UBL3: variants seen among roughly 807,000 people sequenced by gnomAD.
The protein encoded by UBL3 is ubiquitin like 3.
In UBL3, 6 loss-of-function variants were observed where a neutral mutation model predicts 18.4. That is an observed-to-expected ratio of 0.33 (90% CI 0.18 to 0.64). The LOEUF (loss-of-function observed/expected upper bound fraction) is 0.64, where lower values mean the gene tolerates loss of function less well. UBL3 is among the 30% of genes least tolerant of loss of function. The pLI is 0.76. For synonymous variants in UBL3, 49 were observed against 46.6 expected (o/e 1.05, Z -0.21); for missense variants, 109 against 142.9 (o/e 0.76, Z 1.21).
At chr13:29,823,782 T>C (rs1186967603) in intron 1 of UBL3, among the ~76,000 whole-genome samples, 1 of 152,168 alleles carries the variant, frequency 6.6e-6, no homozygotes, top group Non-Finnish European at 1.5e-5. Context: ...CATGTATACA[T>C]GTGCCATGTT....
intron 1 of UBL3, among the ~76,000 whole-genome samples, chr13:29,794,372 G>C (rs796284044): frequency 7.1e-6 from 1 of 141,514 alleles, no homozygotes; most frequent in Non-Finnish European, 1.6e-5. Context: ...ACACACACAC[G>C]CACCCCTACC....
chr13:29,784,579 AC>A (rs1467511254), intron 1 of UBL3, among the ~76,000 whole-genome samples: 30 of 151,864 alleles, frequency 2.0e-4, no homozygotes, highest in Non-Finnish European at 3.8e-4. Flanking sequence ...AAAAAAAAAA[AC>A]AACTCCCGAC....
chr13:29,833,747 A>G (rs1252544803), intron 1 of UBL3, among the ~76,000 whole-genome samples: 1 of 152,210 alleles, frequency 6.6e-6, no homozygotes, highest in Non-Finnish European at 1.5e-5. Flanking sequence ...AATATACAAT[A>G]TATTTCACTT....
At chr13:29,839,124 C>G (rs1879030004) in intron 1 of UBL3, among the ~76,000 whole-genome samples, 1 of 152,020 alleles carries the variant, frequency 6.6e-6, no homozygotes, top group Non-Finnish European at 1.5e-5. Flanking sequence ...ACAAGTTTCT[C>G]AATTGAGTGA....
At position 29,798,782 on chromosome 13, in the gene UBL3, T is replaced by C. The variant is rs189784030; in HGVS notation, c.28-21519A>G. On this transcript the variant is annotated intron_variant, in intron 1 of 4. Transcript: ENST00000380680. ...AATTAAGAGAAACCCCAAAAAACTATAGATGCGTTTAAGTACTCATCAAAC... is the reference window on the plus strand; with the variant it reads ...AATTAAGAGAAACCCCAAAAAACTACAGATGCGTTTAAGTACTCATCAAAC... Among the ~76,000 whole-genome samples the C allele has an allele frequency of 5.3e-5, 8 of 152,344 alleles. No homozygotes were observed. The East Asian group carries it at 7.7e-4, about 15-fold the overall frequency.
chr13:29,815,236 G>A lies in UBL3; in HGVS notation c.27+34276C>T, dbSNP rs368554391. ...TACAAGGGTCTGAAACAGCATCCCA[G>A]AGAATTCTAAAGACTCAGCTGAGAT... is the stretch of plus-strand genomic sequence containing the variant. On this transcript the variant is annotated intron_variant, in intron 1 of 4. Transcript: ENST00000380680. Among the ~76,000 whole-genome samples, 18 of 152,072 alleles carry A rather than the reference G, an allele frequency of 1.2e-4. No individual in the cohort carries two copies. The East Asian group carries it at 2.1e-3, about 18-fold the overall frequency.
chr13:29,770,884 T>C (rs988789875), intron 3 of UBL3, among the ~76,000 whole-genome samples: 2 of 152,016 alleles, frequency 1.3e-5, no homozygotes, highest in South Asian at 4.1e-4. Context: ...TCTTAGTAGA[T>C]AGCAGCATTT....
intron 1 of UBL3, among the ~76,000 whole-genome samples, chr13:29,818,401 A>C (rs1271381114): frequency 6.6e-6 from 1 of 152,218 alleles, no homozygotes; most frequent in Admixed American, 6.5e-5. Context: ...TTACAGAGCA[A>C]AGGAAAAAGA....
intron 1 of UBL3, among the ~76,000 whole-genome samples, chr13:29,803,383 A>G (rs1877820727): frequency 6.6e-6 from 1 of 152,158 alleles, no homozygotes. Flanking sequence ...AAACAAGTCT[A>G]CATGATAACC....
At chr13:29,781,295 C>G (rs1877168403) in intron 1 of UBL3, among the ~76,000 whole-genome samples, 1 of 152,108 alleles carries the variant, frequency 6.6e-6, no homozygotes, top group Non-Finnish European at 1.5e-5. Context: ...TATGTACAAA[C>G]TAAAGTCTTG....
intron 1 of UBL3, among the ~76,000 whole-genome samples, chr13:29,840,979 A>G (rs924777021): frequency 2.6e-5 from 4 of 152,196 alleles, no homozygotes; most frequent in African/African-American, 9.6e-5. Flanking sequence ...TTGATTTAAC[A>G]TGACAATGAG....
chr13:29,834,722 C>A (rs1878874466), intron 1 of UBL3, among the ~76,000 whole-genome samples: 2 of 151,956 alleles, frequency 1.3e-5, no homozygotes. Flanking sequence ...ATAACTGTAA[C>A]CACTGGCTTT....
intron 1 of UBL3, among the ~76,000 whole-genome samples, chr13:29,804,456 G>T (rs1311712495): frequency 6.6e-6 from 1 of 152,060 alleles, no homozygotes; most frequent in Non-Finnish European, 1.5e-5. Flanking sequence ...ACTAGCCGAA[G>T]ACAAGAAATA....
At chr13:29,798,034 T>A (rs58961964) in intron 1 of UBL3, among the ~76,000 whole-genome samples, 6,866 of 151,952 alleles carry the variant, frequency 0.045, 281 homozygotes, top group African/African-American at 0.098. Flanking sequence ...ATATATATTT[T>A]TTTTTTGGAG....
intron 1 of UBL3, among the ~76,000 whole-genome samples, chr13:29,816,821 G>C (rs1199919208): frequency 7.0e-6 from 1 of 143,582 alleles, no homozygotes; most frequent in African/African-American, 2.5e-5. Context: ...TAGGAGTAAA[G>C]TTTATAAATT....
chr13:29,846,406 C>G (rs1368936696), intron 1 of UBL3, among the ~76,000 whole-genome samples: 1 of 151,976 alleles, frequency 6.6e-6, no homozygotes, highest in Non-Finnish European at 1.5e-5. Context: ...TTAAAGGGTA[C>G]AGCAAATCCA....
At chr13:29,811,965 C>T (rs895762867) in intron 1 of UBL3, among the ~76,000 whole-genome samples, 4 of 151,930 alleles carry the variant, frequency 2.6e-5, no homozygotes, top group Non-Finnish European at 4.4e-5. Context: ...AAAATTTTAT[C>T]CCTTACTCCG....
intron 1 of UBL3, among the ~76,000 whole-genome samples, chr13:29,783,180 CTTTAA>C (rs1305063895): frequency 6.6e-6 from 1 of 152,184 alleles, no homozygotes; most frequent in African/African-American, 2.4e-5. Context: ...ACACCTCAAT[CTTTAA>C]TTTGTTTTGG....
intron 2 of UBL3, among the ~76,000 whole-genome samples, chr13:29,776,070 A>T (rs1876980061): frequency 6.6e-6 from 1 of 152,202 alleles, no homozygotes; most frequent in Non-Finnish European, 1.5e-5. Context: ...AAGAACTGAC[A>T]TGAATTAGAA....
Sources: gnomAD v4.1 joint callset for allele counts (sites outside exome capture counted in the v4.1 genomes callset) on GRCh38, gnomAD v4.1.1 for gene constraint, MANE v1.5 for transcripts, NCBI Gene and HGNC (gene_info 2026-07-23, HGNC 2026-07-21) for gene names.